OR6C65: variants seen among roughly 807,000 people sequenced by gnomAD.
OR6C65 encodes the protein olfactory receptor 6C65.
For missense variants in OR6C65, 379 were observed against 366.2 expected (o/e 1.03, Z -0.29); for synonymous variants, 126 against 127.5 (o/e 0.99, Z 0.08).
chr12:55,401,296 G>T lies in OR6C65; in HGVS notation c.768G>T (p.Met256Ile). 6.2e-7 allele frequency: 1 copy of T among 1,614,072 alleles called. No homozygotes were observed. Among genetic ancestry groups the T allele is most frequent in the Non-Finnish European group, 8.5e-7 (1 of 1,179,992 alleles). The change falls in exon 1 of 1, where the codon ATG (methionine) becomes ATT (isoleucine). Residue 256 changes from methionine to isoleucine, a missense_variant. Physicochemically the swap from Met to Ile is conservative, Grantham distance 10 (BLOSUM62 1). Transcript: ENST00000379665. ...VSVSYGSCIF[M>I]CVKTSAKEGM... ...TTTCTTATGGGAGTTGCATTTTTATGTGTGTAAAAACATCTGCAAAAGAAG... is the reference window on the plus strand; with the variant it reads ...TTTCTTATGGGAGTTGCATTTTTATTTGTGTAAAAACATCTGCAAAAGAAG...
Position 55,401,004 on chromosome 12 carries a change from T to C in OR6C65, c.476T>C (p.Ile159Thr). ...TTTCTCATTATTTTTCCCCCCGTGA[T>C]TATGGGCCTCCAACTGGATTTTTGT... is the stretch of plus-strand genomic sequence containing the variant. Reference protein sequence around the residue: ...AGFLIIFPPVIMGLQLDFCDS... With the variant: ...AGFLIIFPPVTMGLQLDFCDS... The change falls in exon 1 of 1, where the codon ATT becomes ACT. Residue 159 changes from isoleucine (I) to threonine (T), a missense_variant. Ile to Thr is a moderately conservative substitution (Grantham distance 89). Coordinates refer to ENST00000379665, the MANE Select transcript of OR6C65 (RefSeq NM_001005518.1). 6.2e-7 allele frequency: 1 copy of C among 1,614,172 alleles called. No homozygotes were observed. Among genetic ancestry groups the C allele is most frequent in the Non-Finnish European group, 8.5e-7 (1 of 1,180,020 alleles).
Position 55,400,838 on chromosome 12 carries a change from C to A in OR6C65, c.310C>A (p.Leu104Ile), listed in dbSNP as rs1411470824. ...ASMAQVFFLI[L>I]LGSTEFFLLA... is the part of the protein sequence containing the mutation. ...CATGGCCCAAGTATTTTTTTTAATT[C>A]TTTTGGGATCAACAGAATTTTTTCT... Residue 104 changes from leucine to isoleucine, a missense_variant, in exon 1 of 1, where the codon CTT becomes ATT. Physicochemically the swap from Leu to Ile is conservative, Grantham distance 5 (BLOSUM62 2). Transcript: ENST00000379665. 1.9e-6 allele frequency: 3 copies of A among 1,609,838 alleles called. No homozygotes were observed. The highest frequency in any genetic ancestry group is 2.5e-6 in the Non-Finnish European group (3 of 1,178,864).
At position 55,400,811 on chromosome 12, in the gene OR6C65, T is replaced by C. The variant is rs761891639; in HGVS notation, c.283T>C (p.Ser95Pro). The C allele has an allele frequency of 6.2e-7, 1 of 1,612,884 alleles. No homozygotes were observed. The highest frequency in any genetic ancestry group is 2.2e-5 in the East Asian group (1 of 44,880). The change falls in exon 1 of 1, where the codon TCC becomes CCC. Residue 95 changes from serine (S) to proline (P), a missense_variant. Coordinates refer to ENST00000379665, the MANE Select transcript of OR6C65 (RefSeq NM_001005518.1). ...AGACACAACCATTTCCTATAATGCT[T>C]CCATGGCCCAAGTATTTTTTTTAAT... ...TGDTTISYNA[S>P]MAQVFFLILL...
At position 55,400,925 on chromosome 12, in the gene OR6C65, A is replaced by G. The variant is rs772135410; in HGVS notation, c.397A>G (p.Ile133Val). The G allele has an allele frequency of 6.2e-7, 1 of 1,614,092 alleles. No individual in the cohort carries two copies. ...CTGCAAACCTCTACATTATACAACC[A>G]TCATGAGTAACAAAGTCTGTAATTG... ...AICKPLHYTT[I>V]MSNKVCNWLV... Residue 133 changes from isoleucine to valine, a missense_variant, in exon 1 of 1, where the codon ATC (isoleucine) becomes GTC (valine). By Grantham distance (29) the Ile-to-Val change is conservative. Coordinates refer to ENST00000379665, the MANE Select transcript of OR6C65 (RefSeq NM_001005518.1).
rs1445974322 is a variant in OR6C65, at chr12:55,400,702, T to A, written c.174T>A (p.Tyr58Ter). ...LSNIHLKTPM[Y>*]FFLRNFSFLE... The stretch of plus-strand genomic sequence containing the variant: ...ATATTCATTTGAAAACTCCTATGTA[T>A]TTCTTCCTCAGGAATTTCTCTTTCT... The change falls in exon 1 of 1, where the codon TAT becomes TAA. Residue 58 changes from tyrosine to a stop codon, truncating the protein, a stop_gained. Coordinates refer to ENST00000379665, the MANE Select transcript of OR6C65 (RefSeq NM_001005518.1). LOFTEE classifies it low-confidence loss of function (END_TRUNC). 1.2e-6 allele frequency: 2 copies of A among 1,607,748 alleles called. No individual in the cohort carries two copies. The highest frequency in any genetic ancestry group is 2.7e-5 in the African/African-American group (2 of 74,788).
Position 55,400,622 on chromosome 12 carries a change from A to G in OR6C65, c.94A>G (p.Thr32Ala). The stretch of plus-strand genomic sequence containing the variant: ...TGTGATATTCTTCTTTATGTTGATC[A>G]CATACTTATTGAGTGTAAGTGGAAA... ...QVVIFFFMLI[T>A]YLLSVSGNMI... Residue 32 changes from threonine to alanine, a missense_variant, in exon 1 of 1, where the codon ACA (threonine) becomes GCA (alanine). By Grantham distance (58) the Thr-to-Ala change is moderately conservative (BLOSUM62 0). Coordinates refer to ENST00000379665, the MANE Select transcript of OR6C65 (RefSeq NM_001005518.1). The G allele has an allele frequency of 6.3e-7, 1 of 1,594,146 alleles. No individual in the cohort carries two copies. The highest frequency in any genetic ancestry group is 8.6e-7 in the Non-Finnish European group (1 of 1,166,516).
chr12:55,401,003 A>G lies in OR6C65; in HGVS notation c.475A>G (p.Ile159Val). 6.2e-7 allele frequency: 1 copy of G among 1,614,072 alleles called. No homozygotes were observed. Among genetic ancestry groups the G allele is most frequent in the Non-Finnish European group, 8.5e-7 (1 of 1,180,004 alleles). ...TTTTCTCATTATTTTTCCCCCCGTG[A>G]TTATGGGCCTCCAACTGGATTTTTG... ...AGFLIIFPPV[I>V]MGLQLDFCDS... Residue 159 changes from isoleucine (I) to valine (V), a missense_variant, in exon 1 of 1, where the codon ATT (isoleucine) becomes GTT (valine). Coordinates refer to ENST00000379665, the MANE Select transcript of OR6C65 (RefSeq NM_001005518.1).
In OR6C65 at chr12:55,400,754, A is replaced by T; in HGVS notation, c.226A>T (p.Ile76Phe). The T allele has an allele frequency of 2.5e-6, 4 of 1,611,624 alleles. No homozygotes were observed. Among genetic ancestry groups the T allele is most frequent in the Non-Finnish European group, 3.4e-6 (4 of 1,178,126 alleles). The part of the protein sequence containing the change: ...FLEISFTTVF[I>F]PRFLINIATG... ...AGAAATTTCATTTACGACAGTCTTC[A>T]TTCCTAGATTTCTGATCAACATTGC... Residue 76 changes from isoleucine (I) to phenylalanine (F), a missense_variant, in exon 1 of 1, where the codon ATT becomes TTT. Physicochemically the swap from Ile to Phe is conservative, Grantham distance 21. Transcript: ENST00000379665.
chr12:55,401,042 A>G lies in OR6C65; in HGVS notation c.514A>G (p.Ile172Val). 2 of 1,614,062 alleles carry G rather than the reference A, an allele frequency of 1.2e-6. No homozygotes were observed. Among genetic ancestry groups the G allele is most frequent in the Middle Eastern group, 1.6e-4 (1 of 6,062 alleles). ...LQLDFCDSST[I>V]DHFICDSSPM... ...ACTGGATTTTTGTGACTCCAGCACT[A>G]TTGACCATTTCATCTGTGATTCTTC... The change falls in exon 1 of 1, where the codon ATT becomes GTT. Residue 172 changes from isoleucine (I) to valine (V), a missense_variant. Transcript: ENST00000379665.
rs768000082 is a variant in OR6C65 at position 55,400,966 on chromosome 12, C to G, written c.438C>G (p.Ser146=). 2.5e-6 allele frequency: 4 copies of G among 1,614,140 alleles called. No individual in the cohort carries two copies. The highest frequency in any genetic ancestry group is 3.4e-6 in the Non-Finnish European group (4 of 1,180,004). The change falls in exon 1 of 1, where the codon TCC becomes TCG. Residue 146 remains serine (S), a synonymous_variant. Coordinates refer to ENST00000379665, the MANE Select transcript of OR6C65 (RefSeq NM_001005518.1). ...NKVCNWLVIS[S]WLAGFLIIFP... Reference sequence around the variant, plus strand: ...TCTGTAATTGGCTTGTAATCAGCTCCTGGCTGGCTGGTTTTCTCATTATTT... The same window carrying G: ...TCTGTAATTGGCTTGTAATCAGCTCGTGGCTGGCTGGTTTTCTCATTATTT...
At position 55,400,902 on chromosome 12, in the gene OR6C65, G is replaced by A; in HGVS notation, c.374G>A (p.Cys125Tyr). ...TCTTATGATCGCTATGTGGCTATCTGCAAACCTCTACATTATACAACCATC... is the reference window on the plus strand; with the variant it reads ...TCTTATGATCGCTATGTGGCTATCTACAAACCTCTACATTATACAACCATC... The part of the protein sequence containing the change: ...VMSYDRYVAI[C>Y]KPLHYTTIMS... The change falls in exon 1 of 1, where the codon TGC (cysteine) becomes TAC (tyrosine). Residue 125 changes from cysteine (C) to tyrosine (Y), a missense_variant. Coordinates refer to ENST00000379665, the MANE Select transcript of OR6C65 (RefSeq NM_001005518.1). The A allele has an allele frequency of 2.5e-6, 4 of 1,613,750 alleles. No individual in the cohort carries two copies. The highest frequency in any genetic ancestry group is 3.4e-6 in the Non-Finnish European group (4 of 1,179,832).
Position 55,400,684 on chromosome 12 carries a change from T to C in OR6C65, c.156T>C (p.His52=), listed in dbSNP as rs775670569. 1.9e-6 allele frequency: 3 copies of C among 1,607,846 alleles called. No individual in the cohort carries two copies. The highest frequency in any genetic ancestry group is 1.1e-5 in the South Asian group (1 of 90,418). ...IIIMLTLSNI[H]LKTPMYFFLR... is the part of the protein sequence containing the mutation. ...TTATGTTAACATTGTCAAATATTCA[T>C]TTGAAAACTCCTATGTATTTCTTCC... is the stretch of plus-strand genomic sequence containing the variant. Residue 52 remains histidine, a synonymous_variant, in exon 1 of 1, where the codon CAT becomes CAC. Transcript: ENST00000379665.
In OR6C65 at chr12:55,401,185, C is replaced by A; in HGVS notation, c.657C>A (p.Ile219=). 2.5e-6 allele frequency: 4 copies of A among 1,614,116 alleles called. No homozygotes were observed. Among genetic ancestry groups the A allele is most frequent in the Non-Finnish European group, 3.4e-6 (4 of 1,180,012 alleles). ...TGGTGGTTCTCTCCTACACACTCAT[C>A]CTTAAAACAATTCTGAAGATTCCCT... The part of the protein sequence containing the change: ...LALVVLSYTL[I]LKTILKIPSA... The change falls in exon 1 of 1, where the codon ATC becomes ATA. Residue 219 remains isoleucine (I), a synonymous_variant. Coordinates refer to ENST00000379665, the MANE Select transcript of OR6C65 (RefSeq NM_001005518.1).
chr12:55,400,855 A>AT lies in OR6C65; in HGVS notation c.333dup (p.Leu112SerfsTer8), dbSNP rs1438667921. 5 of 1,611,712 alleles carry AT rather than the reference A, an allele frequency of 3.1e-6. No individual in the cohort carries two copies. In the African/African-American group the frequency reaches 6.7e-5, roughly 22 times the overall value. On this transcript the variant is annotated frameshift_variant, in exon 1 of 1. Transcript: ENST00000379665. LOFTEE classifies it low-confidence loss of function (END_TRUNC). ...TTTTAATTCTTTTGGGATCAACAGA[A>AT]TTTTTTCTTCTGGCTGTCATGTCTT...
chr12:55,400,891 T>C lies in OR6C65; in HGVS notation c.363T>C (p.Tyr121=). The change falls in exon 1 of 1, where the codon TAT becomes TAC. Residue 121 remains tyrosine, a synonymous_variant. Coordinates refer to ENST00000379665, the MANE Select transcript of OR6C65 (RefSeq NM_001005518.1). ...FLLAVMSYDR[Y]VAICKPLHYT... is the part of the protein sequence containing the mutation. ...TGGCTGTCATGTCTTATGATCGCTA[T>C]GTGGCTATCTGCAAACCTCTACATT... 1 of 1,613,892 alleles carries C rather than the reference T, an allele frequency of 6.2e-7. No individual in the cohort carries two copies. The highest frequency in any genetic ancestry group is 8.5e-7 in the Non-Finnish European group (1 of 1,179,794).
chr12:55,400,880 T>C lies in OR6C65; in HGVS notation c.352T>C (p.Tyr118His), dbSNP rs1484224877. ...TEFFLLAVMSYDRYVAICKPL... is the reference protein window; with the variant it reads ...TEFFLLAVMSHDRYVAICKPL... ...ATTTTTTCTTCTGGCTGTCATGTCT[T>C]ATGATCGCTATGTGGCTATCTGCAA... Residue 118 changes from tyrosine to histidine, a missense_variant, in exon 1 of 1, where the codon TAT (tyrosine) becomes CAT (histidine). Physicochemically the swap from Tyr to His is moderately conservative, Grantham distance 83. Coordinates refer to ENST00000379665, the MANE Select transcript of OR6C65 (RefSeq NM_001005518.1). The C allele has an allele frequency of 6.2e-7, 1 of 1,613,690 alleles. No homozygotes were observed. The highest frequency in any genetic ancestry group is 8.5e-7 in the Non-Finnish European group (1 of 1,179,746).
chr12:55,401,379 A>G lies in OR6C65; in HGVS notation c.851A>G (p.Asn284Ser), dbSNP rs1369480564. Residue 284 changes from asparagine (N) to serine (S), a missense_variant, in exon 1 of 1, where the codon AAT becomes AGT. Physicochemically the swap from Asn to Ser is conservative, Grantham distance 46. Coordinates refer to ENST00000379665, the MANE Select transcript of OR6C65 (RefSeq NM_001005518.1). Reference protein sequence around the residue: ...VLNTSVAPMLNPFIYTLRNQQ... With the variant: ...VLNTSVAPMLSPFIYTLRNQQ... ...AATACCTCTGTTGCTCCTATGTTGA[A>G]TCCCTTTATTTATACCTTAAGAAAC... 1 of 1,613,576 alleles carries G rather than the reference A, an allele frequency of 6.2e-7. No individual in the cohort carries two copies. Among genetic ancestry groups the G allele is most frequent in the East Asian group, 2.2e-5 (1 of 44,888 alleles).
rs1338261961 is a variant in OR6C65 at position 55,400,987 on chromosome 12, T to G, written c.459T>G (p.Ile153Met). ...GCTCCTGGCTGGCTGGTTTTCTCAT[T>G]ATTTTTCCCCCCGTGATTATGGGCC... The part of the protein sequence containing the change: ...VISSWLAGFL[I>M]IFPPVIMGLQ... Residue 153 changes from isoleucine (I) to methionine (M), a missense_variant, in exon 1 of 1, where the codon ATT becomes ATG. Coordinates refer to ENST00000379665, the MANE Select transcript of OR6C65 (RefSeq NM_001005518.1). 16 of 1,614,040 alleles carry G rather than the reference T, an allele frequency of 9.9e-6. No individual in the cohort carries two copies. The highest frequency in any genetic ancestry group is 1.4e-5 in the Non-Finnish European group (16 of 1,180,028).
At position 55,400,785 on chromosome 12, in the gene OR6C65, G is replaced by A. The variant is rs771267226; in HGVS notation, c.257G>A (p.Gly86Glu). The change falls in exon 1 of 1, where the codon GGA (glycine) becomes GAA (glutamate). Residue 86 changes from glycine (G) to glutamate (E), a missense_variant. By Grantham distance (98) the Gly-to-Glu change is moderately conservative. Transcript: ENST00000379665. ...IPRFLINIATGDTTISYNASM... is the reference protein window; with the variant it reads ...IPRFLINIATEDTTISYNASM... Reference sequence around the variant, plus strand: ...AGATTTCTGATCAACATTGCTACAGGAGACACAACCATTTCCTATAATGCT... The same window carrying A: ...AGATTTCTGATCAACATTGCTACAGAAGACACAACCATTTCCTATAATGCT... 8 of 1,612,842 alleles carry A rather than the reference G, an allele frequency of 5.0e-6. No individual in the cohort carries two copies. Among genetic ancestry groups the A allele is most frequent in the African/African-American group, 1.3e-5 (1 of 74,888 alleles).
Sources: allele counts gnomAD v4.1 joint callset, GRCh38; gene constraint gnomAD v4.1.1; transcripts MANE v1.5; gene names NCBI Gene and HGNC (gene_info 2026-07-23, HGNC 2026-07-21).